CNTNAP2: variants seen among roughly 807,000 people sequenced by gnomAD.
CNTNAP2 encodes the protein contactin-associated protein-like 2.
A neutral mutation model predicts 155.2 loss-of-function variants in CNTNAP2; 98 were observed. The observed-to-expected ratio is 0.63, with a 90% confidence interval of 0.54 to 0.75. CNTNAP2 has a LOEUF of 0.75. Among genes scored for constraint, CNTNAP2 ranks in the 30% least tolerant of loss-of-function variants. The pLI, the probability that CNTNAP2 is intolerant of heterozygous loss-of-function variation, is 0.00. For synonymous variants in CNTNAP2, 651 were observed against 631.2 expected, an observed-to-expected ratio of 1.03 and a Z score of -0.47; for missense variants, 1,727 against 1,688.1, an observed-to-expected ratio of 1.02 and a Z score of -0.40.
At chr7:148,225,629 A>T (rs1795832453) in intron 19 of CNTNAP2, among the ~76,000 whole-genome samples, 1 of 152,196 alleles carries the variant, frequency 6.6e-6, no homozygotes, top group Non-Finnish European at 1.5e-5. Flanking sequence ...TGGTGAGGAC[A>T]CTGTGTATCT....
intron 21 of CNTNAP2, among the ~76,000 whole-genome samples, chr7:148,270,601 A>C (rs10464463): frequency 0.36 from 54,439 of 152,094 alleles, 11,497 homozygotes; most frequent in East Asian, 0.6. Flanking sequence ...AAAGAGTAAA[A>C]GGGGAAGGAA....
chr7:148,019,665 C>T (rs924741511), intron 15 of CNTNAP2, among the ~76,000 whole-genome samples: 3 of 152,032 alleles, frequency 2.0e-5, no homozygotes, highest in Non-Finnish European at 4.4e-5. Context: ...CTATGTTGCC[C>T]ATGCTGGTCT....
At chr7:147,978,785 C>G (rs1459327552) in intron 15 of CNTNAP2, among the ~76,000 whole-genome samples, 1 of 152,074 alleles carries the variant, frequency 6.6e-6, no homozygotes, top group Non-Finnish European at 1.5e-5. Flanking sequence ...GAGTTCTATG[C>G]TTTTGTGATT....
intron 1 of CNTNAP2, among the ~76,000 whole-genome samples, chr7:146,204,058 T>C (rs950560174): frequency 3.3e-5 from 5 of 152,164 alleles, no homozygotes; most frequent in Non-Finnish European, 5.9e-5. Flanking sequence ...TCATGTTGAC[T>C]TGCTATCAAC....
In CNTNAP2 at chr7:146,812,373, C is replaced by G. The variant is rs544365787; in HGVS notation, c.209-27338C>G. Among the ~76,000 whole-genome samples the G allele has an allele frequency of 2.6e-4, 39 of 151,090 alleles. No homozygotes were observed. The South Asian group carries it at 7.5e-3, about 29-fold the overall frequency. On this transcript the variant is annotated intron_variant, in intron 2 of 23. Coordinates refer to ENST00000361727, the MANE Select transcript of CNTNAP2 (RefSeq NM_014141.6). The stretch of plus-strand genomic sequence containing the variant: ...GCCCCTGCCCTAGAGATTTCTGGAA[C>G]TTTGAACTTAAAAGAGATGAGTTAG...
intron 20 of CNTNAP2, among the ~76,000 whole-genome samples, chr7:148,264,524 A>G (rs1796632286): frequency 6.6e-6 from 1 of 152,224 alleles, no homozygotes; most frequent in East Asian, 1.9e-4. Flanking sequence ...CTTGGGTTCC[A>G]TCCCTTTTTT....
intron 12 of CNTNAP2, among the ~76,000 whole-genome samples, chr7:147,575,274 G>A (rs1227414358): frequency 2.9e-5 from 4 of 140,182 alleles, no homozygotes; most frequent in Non-Finnish European, 4.6e-5. Context: ...AGCTTTAGGA[G>A]TACGCATATG....
intron 12 of CNTNAP2, among the ~76,000 whole-genome samples, chr7:147,616,316 G>C (rs1172769276): frequency 6.6e-6 from 1 of 152,092 alleles, no homozygotes; most frequent in Non-Finnish European, 1.5e-5. Flanking sequence ...CCACACATGA[G>C]CCACAATTAC....
At chr7:146,770,670 T>A (rs1330996667) in intron 1 of CNTNAP2, among the ~76,000 whole-genome samples, 1 of 147,912 alleles carries the variant, frequency 6.8e-6, no homozygotes, top group Non-Finnish European at 1.5e-5. Flanking sequence ...TTTAAATTTT[T>A]AAAAATTGAT....
intron 1 of CNTNAP2, among the ~76,000 whole-genome samples, chr7:146,263,668 C>G (rs1436692295): frequency 6.6e-6 from 1 of 152,070 alleles, no homozygotes; most frequent in East Asian, 1.9e-4. Flanking sequence ...TTCTCACTTA[C>G]AAGTAGAGAA....
At chr7:147,974,589 C>A (rs1041912083) in intron 14 of CNTNAP2, among the ~76,000 whole-genome samples, 1 of 152,164 alleles carries the variant, frequency 6.6e-6, no homozygotes, top group Non-Finnish European at 1.5e-5. Flanking sequence ...CGTGCCATTG[C>A]ACTCCAGCCT....
chr7:147,385,010 A>C (rs1158141598), intron 9 of CNTNAP2, among the ~76,000 whole-genome samples: 1 of 152,192 alleles, frequency 6.6e-6, no homozygotes, highest in Admixed American at 6.5e-5. Flanking sequence ...TCATGGTGGA[A>C]GGAAAGGAGG....
intron 13 of CNTNAP2, among the ~76,000 whole-genome samples, chr7:147,816,948 C>T (rs984205836): frequency 6.6e-6 from 1 of 152,096 alleles, no homozygotes; most frequent in Non-Finnish European, 1.5e-5. Flanking sequence ...GATAATGTAA[C>T]ATAAAGCAGA....
chr7:148,376,400 G>A lies in CNTNAP2; in HGVS notation c.3476-7249G>A, dbSNP rs1435941034. Among the ~76,000 whole-genome samples the A allele has an allele frequency of 3.0e-5, 2 of 66,368 alleles. 1 individual carries two copies. Among genetic ancestry groups the A allele is most frequent in the East Asian group, 8.8e-4 (2 of 2,268 alleles). 43.5% of individuals were successfully genotyped at this position (66,368 alleles called of 152,430 possible). The stretch of plus-strand genomic sequence containing the variant: ...CCAGTCATGGTGGTGTGCGCCTGTA[G>A]TCCCAGGTACTTAGGAGGCTAAGGT... On this transcript the variant is annotated intron_variant, in intron 21 of 23. Transcript: ENST00000361727.
chr7:146,189,481 T>C (rs1284315945), intron 1 of CNTNAP2, among the ~76,000 whole-genome samples: 1 of 152,178 alleles, frequency 6.6e-6, no homozygotes, highest in African/African-American at 2.4e-5. Flanking sequence ...ACTTATAGAT[T>C]ATTTAGTGGA....
At chr7:148,146,386 A>T (rs1313730061) in intron 16 of CNTNAP2, among the ~76,000 whole-genome samples, 1 of 152,250 alleles carries the variant, frequency 6.6e-6, no homozygotes, top group African/African-American at 2.4e-5. Context: ...ATATACATTT[A>T]AAAAGCTTGT....
chr7:147,032,382 T>C (rs1396154013), intron 3 of CNTNAP2, among the ~76,000 whole-genome samples: 1 of 152,212 alleles, frequency 6.6e-6, no homozygotes, highest in Non-Finnish European at 1.5e-5. Flanking sequence ...AAGATCAATA[T>C]GATACATGAC....
intron 1 of CNTNAP2, among the ~76,000 whole-genome samples, chr7:146,525,130 AG>A (rs1797669695): frequency 6.6e-6 from 1 of 152,048 alleles, no homozygotes; most frequent in African/African-American, 2.4e-5. Flanking sequence ...GATCATGGTT[AG>A]GTAGATTATA....
At chr7:147,759,565 G>T (rs1244236328) in intron 13 of CNTNAP2, among the ~76,000 whole-genome samples, 1 of 152,158 alleles carries the variant, frequency 6.6e-6, no homozygotes, top group African/African-American at 2.4e-5. Flanking sequence ...ACAAAAATCA[G>T]AGCTCTTACA....
Sources: gnomAD v4.1 joint callset for allele counts (sites outside exome capture counted in the v4.1 genomes callset) on GRCh38, gnomAD v4.1.1 for gene constraint, MANE v1.5 for transcripts, NCBI Gene and HGNC (gene_info 2026-07-23, HGNC 2026-07-21) for gene names.